The following SRRM2 variants were observed in gnomAD, a reference collection of about 807,000 sequenced individuals.
The protein encoded by SRRM2 is serine/arginine repetitive matrix protein 2.
A neutral mutation model predicts 213.8 loss-of-function variants in SRRM2; 30 were observed. That is an observed-to-expected ratio of 0.14 (90% CI 0.10 to 0.19). The LOEUF is 0.19. Ranked by LOEUF, SRRM2 falls within the 10% of genes least tolerant of loss-of-function variation. The pLI is 1.00. For synonymous variants in SRRM2, 2,025 were observed against 1,377.7 expected, an observed-to-expected ratio of 1.47 and a Z score of -10.40; for missense variants, 4,904 against 3,647.0, an observed-to-expected ratio of 1.34 and a Z score of -8.88.
rs572452085 is a variant in SRRM2 at position 2,765,809 on chromosome 16, C to T, written c.5281C>T (p.Arg1761Cys). Residue 1761 changes from arginine to cysteine, a missense_variant, in exon 11 of 15, where the codon CGC becomes TGC. By Grantham distance (180) the Arg-to-Cys change is radical (BLOSUM62 -3). Coordinates refer to ENST00000301740, the MANE Select transcript of SRRM2 (RefSeq NM_016333.4). Reference sequence around the variant, plus strand: ...CACTAAGACAACCTCAAGGAGAGGCCGCTCTCCTTCGCCAAAGCCTCGTGG... The same window carrying T: ...CACTAAGACAACCTCAAGGAGAGGCTGCTCTCCTTCGCCAAAGCCTCGTGG... ...PRTKTTSRRGRSPSPKPRGLQ... is the reference protein window; with the variant it reads ...PRTKTTSRRGCSPSPKPRGLQ... 3.5e-5 allele frequency: 56 copies of T among 1,614,068 alleles called. No homozygotes were observed. In the African/African-American group the frequency reaches 3.6e-4, roughly 10 times the overall value.
At chr16:2,757,046 A>G (rs1004043154) in intron 2 of SRRM2, among the ~76,000 whole-genome samples, 5 of 152,234 alleles carry the variant, frequency 3.3e-5, no homozygotes, top group Admixed American at 3.3e-4. Context: ...AGAAGTGGGA[A>G]TCATGGGCTG....
At position 2,768,968 on chromosome 16, in the gene SRRM2, C is replaced by T. The variant is rs758666337; in HGVS notation, c.7734-29C>T. The T allele has an allele frequency of 6.2e-6, 10 of 1,608,506 alleles. No homozygotes were observed. In the South Asian group the frequency reaches 8.8e-5, roughly 14 times the overall value. On this transcript the variant is annotated intron_variant, in intron 11 of 14. Transcript: ENST00000301740. ...TAGGGTTGGGGCTGGGGCAGCTTGT[C>T]TCCTTGTGACACTCCTCTCCTCCCA...
At position 2,771,388 on chromosome 16, in the gene SRRM2, C is replaced by G. The variant is rs779446788; in HGVS notation, c.*521C>G. The G allele has an allele frequency of 1.2e-6, 2 of 1,608,638 alleles. No individual in the cohort carries two copies. Among genetic ancestry groups the G allele is most frequent in the Admixed American group, 1.7e-5 (1 of 59,902 alleles). The stretch of plus-strand genomic sequence containing the variant: ...GTACAGCAAGAGCAACTTTTTCTGT[C>G]AAATAAAAATGAGAAATGCAGGAAC... On this transcript the variant is annotated 3_prime_UTR_variant, in exon 15 of 15. Transcript: ENST00000301740.
In SRRM2 at chr16:2,762,838, A is replaced by C; in HGVS notation, c.2310A>C (p.Lys770Asn). Residue 770 changes from lysine (K) to asparagine (N), a missense_variant, in exon 11 of 15, where the codon AAA (lysine) becomes AAC (asparagine). Transcript: ENST00000301740. ...RSLSSPRSKAKSRLSLRRSLS... is the reference protein window; with the variant it reads ...RSLSSPRSKANSRLSLRRSLS... The stretch of plus-strand genomic sequence containing the variant: ...TCTCTTCACCACGGTCCAAAGCAAA[A>C]TCTCGCTTGTCTTTGAGGCGCAGCC... The C allele has an allele frequency of 6.2e-7, 1 of 1,614,120 alleles. No individual in the cohort carries two copies. Among genetic ancestry groups the C allele is most frequent in the Non-Finnish European group, 8.5e-7 (1 of 1,180,016 alleles).
chr16:2,754,043 ACTT>A (rs2068048084), intron 1 of SRRM2, among the ~76,000 whole-genome samples: 1 of 151,820 alleles, frequency 6.6e-6, no homozygotes, highest in African/African-American at 2.4e-5. Flanking sequence ...TGTACTTTTT[ACTT>A]TCTGCTTTTA....
In SRRM2 at chr16:2,760,417, G is replaced by A; in HGVS notation, c.950G>A (p.Ser317Asn). The A allele has an allele frequency of 6.2e-7, 1 of 1,614,150 alleles. No individual in the cohort carries two copies. Among genetic ancestry groups the A allele is most frequent in the Non-Finnish European group, 8.5e-7 (1 of 1,180,044 alleles). Residue 317 changes from serine (S) to asparagine (N), a missense_variant, in exon 10 of 15, where the codon AGC becomes AAC. Transcript: ENST00000301740. ...DAPFSEPGTT[S>N]TQRPSSPETA... ...CCTTTCAGTGAACCAGGTACTACCA[G>A]CACACAACGGCCTAGTAGCCCGGAG...
At chr16:2,760,688 C>T (rs1008620195) in intron 10 of SRRM2, 189 bp downstream of exon 10, 5 of 623,152 alleles carry the variant, frequency 8.0e-6, no homozygotes, top group South Asian at 6.2e-5. Context: ...GAATTGTGAA[C>T]CCTTTAGAAT....
At position 2,764,946 on chromosome 16, in the gene SRRM2, C is replaced by T. The variant is rs1437643593; in HGVS notation, c.4418C>T (p.Pro1473Leu). Reference protein sequence around the residue: ...SPGMKDIPRTPSRGRSECDSS... With the variant: ...SPGMKDIPRTLSRGRSECDSS... ...GGAATGAAAGATATACCTAGAACGC[C>T]ATCTAGAGGGAGAAGCGAATGTGAT... Residue 1473 changes from proline to leucine, a missense_variant, in exon 11 of 15, where the codon CCA (proline) becomes CTA (leucine). Transcript: ENST00000301740. 3.7e-6 allele frequency: 6 copies of T among 1,614,128 alleles called. No homozygotes were observed. Among genetic ancestry groups the T allele is most frequent in the East Asian group, 2.2e-5 (1 of 44,886 alleles).
In SRRM2 at chr16:2,756,561, T is replaced by C; in HGVS notation, c.197T>C (p.Val66Ala). The change falls in exon 2 of 15, where the codon GTC becomes GCC. Residue 66 changes from valine (V) to alanine (A), a missense_variant. Physicochemically the swap from Val to Ala is moderately conservative, Grantham distance 64 (BLOSUM62 0). Coordinates refer to ENST00000301740, the MANE Select transcript of SRRM2 (RefSeq NM_016333.4). ...DILDHERKRR[V>A]ELRCLELEEM... ...CTGGACCACGAGCGCAAGCGGCGCG[T>C]CGAGCTGCGATGCCTCGAGCTGGAG... The C allele has an allele frequency of 6.2e-7, 1 of 1,614,008 alleles. No individual in the cohort carries two copies. Among genetic ancestry groups the C allele is most frequent in the Non-Finnish European group, 8.5e-7 (1 of 1,179,978 alleles).
Position 2,769,481 on chromosome 16 carries a change from G to A in SRRM2, c.8021+197G>A, listed in dbSNP as rs529104478. ...GAAGGGCTGCGCCATCCACAGCGGCGCTCAGGCCAGGACCAGGGGGTCCTT... is the reference window on the plus strand; with the variant it reads ...GAAGGGCTGCGCCATCCACAGCGGCACTCAGGCCAGGACCAGGGGGTCCTT... On this transcript the variant is annotated intron_variant, in intron 12 of 14. Coordinates refer to ENST00000301740, the MANE Select transcript of SRRM2 (RefSeq NM_016333.4). 2.3e-5 allele frequency: 15 copies of A among 653,160 alleles called. 1 individual carries two copies. The highest frequency in any genetic ancestry group is 1.9e-4 in the South Asian group (10 of 53,908). The allele number at this position is 653,160 out of a possible 1,614,324, so 40.5% of individuals were successfully genotyped here. A position where few individuals can be genotyped will look rare whatever the true frequency, so the allele number is the denominator to read the frequency against.
chr16:2,754,885 C>T (rs2068086372), intron 1 of SRRM2, among the ~76,000 whole-genome samples: 1 of 152,088 alleles, frequency 6.6e-6, no homozygotes, highest in Non-Finnish European at 1.5e-5. Context: ...CTTCTGTCAC[C>T]TTCTGCTTTC....
rs117160431 is a variant in SRRM2 at position 2,756,618 on chromosome 16, C to T, written c.242+12C>T. 8.8e-3 allele frequency: 14,079 copies of T among 1,606,592 alleles called. 78 individuals are homozygous for T. The highest frequency in any genetic ancestry group is 0.011 in the Non-Finnish European group (12,650 of 1,176,142). On this transcript the variant is annotated intron_variant, in intron 2 of 14. Coordinates refer to ENST00000301740, the MANE Select transcript of SRRM2 (RefSeq NM_016333.4). ...ATGGAAGAGCAGGGGTGAGGGAGAG[C>T]TGGGGGAGAGTCAAGCACTGAATGA...
chr16:2,763,377 G>A lies in SRRM2; in HGVS notation c.2849G>A (p.Ser950Asn). Residue 950 changes from serine to asparagine, a missense_variant, in exon 11 of 15, where the codon AGC becomes AAC. Ser to Asn is a conservative substitution (Grantham distance 46). Coordinates refer to ENST00000301740, the MANE Select transcript of SRRM2 (RefSeq NM_016333.4). Reference sequence around the variant, plus strand: ...ACGTCGAGAACAACTCCACGGCGAAGCAGATCAGTATCTCCCTGCTCCAAT... The same window carrying A: ...ACGTCGAGAACAACTCCACGGCGAAACAGATCAGTATCTCCCTGCTCCAAT... ...RVTSRTTPRR[S>N]RSVSPCSNVE... The A allele has an allele frequency of 6.2e-7, 1 of 1,614,226 alleles. No individual in the cohort carries two copies. Among genetic ancestry groups the A allele is most frequent in the Non-Finnish European group, 8.5e-7 (1 of 1,180,038 alleles).
intron 8 of SRRM2, 41 bp downstream of exon 8, chr16:2,759,443 A>G: frequency 6.3e-7 from 1 of 1,595,716 alleles, no homozygotes; most frequent in African/African-American, 1.3e-5. Flanking sequence ...AAGTAAGTGA[A>G]CGCCACCTTA....
At chr16:2,760,089 A>C (rs1317090979) in intron 9 of SRRM2, 1 of 607,076 alleles carries the variant, frequency 1.6e-6, no homozygotes, top group Non-Finnish European at 2.9e-6. Flanking sequence ...AAAGGGGTAG[A>C]GGGAGAACGC....
In SRRM2 at chr16:2,770,712, C is replaced by A; in HGVS notation, c.8244C>A (p.Ser2748=). ...TPSPRPMRHR[S]SRSP Reference sequence around the variant, plus strand: ...GCCCTCGGCCCATGAGACACCGCTCCTCCAGGTGCGTGTCCTGGAAGGCTG... The same window carrying A: ...GCCCTCGGCCCATGAGACACCGCTCATCCAGGTGCGTGTCCTGGAAGGCTG... Residue 2748 remains serine, a synonymous_variant, in exon 14 of 15, where the codon TCC becomes TCA. Coordinates refer to ENST00000301740, the MANE Select transcript of SRRM2 (RefSeq NM_016333.4). The A allele has an allele frequency of 6.4e-7, 1 of 1,565,464 alleles. No homozygotes were observed. The highest frequency in any genetic ancestry group is 8.7e-7 in the Non-Finnish European group (1 of 1,153,282).
intron 1 of SRRM2, chr16:2,753,730 T>A (rs1383579004): frequency 6.6e-6 from 1 of 152,206 alleles, no homozygotes; most frequent in African/African-American, 2.4e-5. Context: ...TGGATCAGAA[T>A]TTCAGAGTGT....
chr16:2,754,487 T>C (rs1197100747), intron 1 of SRRM2, among the ~76,000 whole-genome samples: 2 of 152,184 alleles, frequency 1.3e-5, no homozygotes, highest in African/African-American at 4.8e-5. Flanking sequence ...AGATGGAGTT[T>C]CACCGTGTTG....
In SRRM2 at chr16:2,767,342, A is replaced by G. The variant is rs759561110; in HGVS notation, c.6814A>G (p.Ser2272Gly). ...TGCAGCAGCGGCCATGAACTTGGCC[A>G]GCCCCAGAACAGCGGTGGCACCTTC... is the stretch of plus-strand genomic sequence containing the variant. The part of the protein sequence containing the change: ...PAAAAAMNLA[S>G]PRTAVAPSAV... The change falls in exon 11 of 15, where the codon AGC (serine) becomes GGC (glycine). Residue 2272 changes from serine to glycine, a missense_variant. Physicochemically the swap from Ser to Gly is moderately conservative, Grantham distance 56. Transcript: ENST00000301740. The G allele has an allele frequency of 6.2e-6, 10 of 1,613,932 alleles. No individual in the cohort carries two copies. Among genetic ancestry groups the G allele is most frequent in the Non-Finnish European group, 8.5e-6 (10 of 1,180,040 alleles).
Sources: gnomAD v4.1 joint callset for allele counts (sites outside exome capture counted in the v4.1 genomes callset) on GRCh38, gnomAD v4.1.1 for gene constraint, MANE v1.5 for transcripts, NCBI Gene and HGNC (gene_info 2026-07-23, HGNC 2026-07-21) for gene names.